QTMAN: variants seen among roughly 807,000 people sequenced by gnomAD.
QTMAN encodes the protein queuosine-tRNA mannosyltransferase.
the QTMAN span, among the ~76,000 whole-genome samples, chr2:143,982,847 C>A: frequency 0.014 from 1,751 of 122,070 alleles, 29 homozygotes; most frequent in Non-Finnish European, 0.015. Context: ...GAGCAAGACT[C>A]TGTCTCAAAA....
the QTMAN span, among the ~76,000 whole-genome samples, chr2:144,200,015 C>T: frequency 6.6e-6 from 1 of 152,084 alleles, no homozygotes; most frequent in African/African-American, 2.4e-5. Context: ...TTGGTAAACT[C>T]TTTTATGTAT....
chr2:144,219,216 C>T, the QTMAN span, among the ~76,000 whole-genome samples: 1 of 152,128 alleles, frequency 6.6e-6, no homozygotes, highest in African/African-American at 2.4e-5. Flanking sequence ...CTGCAACCTC[C>T]ACCTACTAGG....
the QTMAN span, among the ~76,000 whole-genome samples, chr2:144,080,580 A>G: frequency 6.6e-6 from 1 of 152,218 alleles, no homozygotes; most frequent in African/African-American, 2.4e-5. Context: ...AAAATAGAAC[A>G]ATCAAAGCCT....
At chr2:144,313,633 G>A in the QTMAN span, among the ~76,000 whole-genome samples, 1 of 151,942 alleles carries the variant, frequency 6.6e-6, no homozygotes, top group Non-Finnish European at 1.5e-5. Context: ...GTTTACAATG[G>A]AAAATGTCCA....
the QTMAN span, among the ~76,000 whole-genome samples, chr2:144,291,949 C>A: frequency 6.6e-6 from 1 of 152,104 alleles, no homozygotes; most frequent in East Asian, 1.9e-4. Context: ...CTTGTTCCCC[C>A]ACTTAAAAGA....
chr2:143,993,100 GTTAC>G, the QTMAN span, among the ~76,000 whole-genome samples: 1,236 of 152,170 alleles, frequency 8.1e-3, 14 homozygotes, highest in African/African-American at 0.028. Flanking sequence ...TATGTGAAAA[GTTAC>G]TTATTCTATT....
chr2:144,305,134 C>T, the QTMAN span, among the ~76,000 whole-genome samples: 1 of 152,258 alleles, frequency 6.6e-6, no homozygotes, highest in South Asian at 2.1e-4. Flanking sequence ...ATTTTTTCTA[C>T]TGTCACTTGT....
chr2:144,166,315 G>T, the QTMAN span, among the ~76,000 whole-genome samples: 1 of 152,164 alleles, frequency 6.6e-6, no homozygotes, highest in South Asian at 2.1e-4. Context: ...CATTACCCCT[G>T]CAAGAAGGCT....
chr2:144,034,292 C>G, the QTMAN span, among the ~76,000 whole-genome samples: 2 of 152,206 alleles, frequency 1.3e-5, no homozygotes, highest in African/African-American at 4.8e-5. Context: ...ATAGCCACCA[C>G]CAGGAAAGCT....
At chr2:143,957,280 G>A in the QTMAN span, 4 of 1,612,288 alleles carry the variant, frequency 2.5e-6, no homozygotes, top group Non-Finnish European at 3.4e-6. Context: ...TCTTTGCTGG[G>A]TAAGTAGCCC....
the QTMAN span, among the ~76,000 whole-genome samples, chr2:144,117,301 A>G: frequency 9.2e-5 from 14 of 152,022 alleles, no homozygotes; most frequent in African/African-American, 3.4e-4. Context: ...TTCAAATTCA[A>G]CCTCACAGAA....
chr2:144,061,934 G>A, the QTMAN span, among the ~76,000 whole-genome samples: 183 of 152,130 alleles, frequency 1.2e-3, 1 homozygote, highest in East Asian at 0.021. Context: ...CGAACTCCAG[G>A]GGAAGATTAT....
the QTMAN span, chr2:144,007,347 C>T: frequency 3.7e-6 from 6 of 1,613,246 alleles, no homozygotes; most frequent in Non-Finnish European, 5.1e-6. Flanking sequence ...TAATGAGTTA[C>T]CCAAATATTC....
At chr2:144,324,624 G>T in the QTMAN span, among the ~76,000 whole-genome samples, 1 of 152,054 alleles carries the variant, frequency 6.6e-6, no homozygotes, top group African/African-American at 2.4e-5. Context: ...AATGACCTAG[G>T]AATTGCTCAC....
At chr2:144,069,449 G>A in the QTMAN span, among the ~76,000 whole-genome samples, 3 of 151,896 alleles carry the variant, frequency 2.0e-5, no homozygotes, top group South Asian at 6.2e-4. Context: ...GAAATAGTGT[G>A]ACCTAAAAAT....
the QTMAN span, among the ~76,000 whole-genome samples, chr2:144,254,321 C>G: frequency 6.6e-6 from 1 of 152,122 alleles, no homozygotes; most frequent in Non-Finnish European, 1.5e-5. Flanking sequence ...ACTTGGGAGG[C>G]TGAGGCAGGA....
At chr2:144,000,928 A>T in the QTMAN span, among the ~76,000 whole-genome samples, 5 of 151,966 alleles carry the variant, frequency 3.3e-5, no homozygotes, top group Admixed American at 2.6e-4. Context: ...TGGCACCTGA[A>T]GACTGATTTC....
chr2:144,154,220 C>G, the QTMAN span, among the ~76,000 whole-genome samples: 4 of 152,142 alleles, frequency 2.6e-5, no homozygotes, highest in Non-Finnish European at 4.4e-5. Context: ...ACTGCTCTGG[C>G]TATACAAATT....
At chr2:143,967,046 G>A in the QTMAN span, among the ~76,000 whole-genome samples, 3 of 152,200 alleles carry the variant, frequency 2.0e-5, no homozygotes, top group African/African-American at 7.2e-5. Context: ...GTATGTGAAA[G>A]AGAAATGCTT....
Sources: allele counts gnomAD v4.1 joint callset (sites outside exome capture counted in the v4.1 genomes callset), GRCh38; gene constraint gnomAD v4.1.1; transcripts MANE v1.5; gene names NCBI Gene and HGNC (gene_info 2026-07-23, HGNC 2026-07-21).